Variants in MYO10 observed in about 807,000 individuals in gnomAD.
MYO10 encodes the protein myosin X, also known as unconventional myosin-X.
A neutral mutation model predicts 257.3 loss-of-function variants in MYO10; 133 were observed. That is an observed-to-expected ratio of 0.52 (90% CI 0.45 to 0.60). The LOEUF is 0.60. Among genes scored for constraint, MYO10 ranks in the 20% least tolerant of loss-of-function variants. MYO10 has a pLI of 0.00. For synonymous variants in MYO10, 1,104 were observed against 1,028.6 expected (o/e 1.07, Z -1.40); for missense variants, 2,399 against 2,635.7 (o/e 0.91, Z 1.97).
Position 16,794,756 on chromosome 5 carries a change from C to G in MYO10, c.357G>C (p.Glu119Asp). ...CGCCCAGGTGGCGCCGGCTGTACTG[C>G]TCCATGGTGGCAGGCTCGTACAGCC... ...IAGLYEPATM[E>D]QYSRRHLGEL... The change falls in exon 4 of 41, where the codon GAG (glutamate) becomes GAC (aspartate). Residue 119 changes from glutamate (E) to aspartate (D), a missense_variant. Glu to Asp is a conservative substitution (Grantham distance 45). Transcript: ENST00000513610. The G allele has an allele frequency of 1.9e-6, 3 of 1,611,854 alleles. No homozygotes were observed. Among genetic ancestry groups the G allele is most frequent in the African/African-American group, 2.7e-5 (2 of 75,008 alleles).
intron 2 of MYO10, among the ~76,000 whole-genome samples, chr5:16,855,543 T>G (rs1438007418): frequency 2.0e-5 from 3 of 152,256 alleles, no homozygotes; most frequent in Non-Finnish European, 4.4e-5. Context: ...GCTGCAAATT[T>G]TAATCTCCCT....
At chr5:16,709,434 A>G (rs570581221) in intron 21 of MYO10, among the ~76,000 whole-genome samples, 13 of 152,310 alleles carry the variant, frequency 8.5e-5, no homozygotes, top group Admixed American at 8.5e-4. Context: ...TGAGAACGCT[A>G]CAACCCTACG....
chr5:16,818,396 GTGTGTGTGTGTGTGTA>G (rs1561000824), intron 2 of MYO10, among the ~76,000 whole-genome samples: 23 of 111,910 alleles, frequency 2.1e-4, no homozygotes, highest in Non-Finnish European at 1.7e-4. Flanking sequence ...GTGTGTGTGT[GTGTGTGTGTGTGTGTA>G]TATATATATA....
At chr5:16,915,235 C>A (rs1745781992) in intron 1 of MYO10, among the ~76,000 whole-genome samples, 1 of 152,118 alleles carries the variant, frequency 6.6e-6, no homozygotes, top group Non-Finnish European at 1.5e-5. Context: ...AGAGTCCCAC[C>A]AGGGAACACA....
intron 2 of MYO10, among the ~76,000 whole-genome samples, chr5:16,854,764 G>A (rs1049919218): frequency 8.5e-5 from 13 of 152,170 alleles, no homozygotes; most frequent in African/African-American, 2.9e-4. Context: ...GGGCATGGTG[G>A]CTCACATCTG....
chr5:16,693,419 C>G (rs898691360), intron 27 of MYO10, among the ~76,000 whole-genome samples: 2 of 152,210 alleles, frequency 1.3e-5, no homozygotes, highest in Non-Finnish European at 2.9e-5. Context: ...CTCATGAACT[C>G]CAAAGGGACA....
At chr5:16,931,291 T>C (rs1237792122) in intron 1 of MYO10, among the ~76,000 whole-genome samples, 1 of 151,848 alleles carries the variant, frequency 6.6e-6, no homozygotes, top group African/African-American at 2.4e-5. Context: ...ATAATAATAA[T>C]AGTAATAATA....
chr5:16,894,189 C>G (rs1026829851), intron 1 of MYO10, among the ~76,000 whole-genome samples: 3 of 152,182 alleles, frequency 2.0e-5, no homozygotes, highest in African/African-American at 7.2e-5. Flanking sequence ...TCAGAGTTCT[C>G]CAGTTTCCAC....
chr5:16,748,336 C>T (rs1263551145), intron 19 of MYO10, among the ~76,000 whole-genome samples: 1 of 152,170 alleles, frequency 6.6e-6, no homozygotes, highest in Non-Finnish European at 1.5e-5. Context: ...CCTACACCTC[C>T]TGGGTTCAAA....
At chr5:16,800,759 C>T (rs1453303442) in intron 3 of MYO10, among the ~76,000 whole-genome samples, 3 of 152,100 alleles carry the variant, frequency 2.0e-5, no homozygotes, top group South Asian at 2.1e-4. Context: ...TGGAAGGAAG[C>T]GCCAAATCTC....
rs1433622568 is a variant in MYO10 at position 16,742,132 on chromosome 5, A to G, written c.1929+12696T>C. On this transcript the variant is annotated intron_variant, in intron 19 of 40. Coordinates refer to ENST00000513610, the MANE Select transcript of MYO10 (RefSeq NM_012334.3). The stretch of plus-strand genomic sequence containing the variant: ...AGATTCTTGATTTTAAAAGCCAATC[A>G]ATAATTTTTTTTTAAAAAAAGTCCC... 3.0e-6 allele frequency: 3 copies of G among 985,146 alleles called. No homozygotes were observed. In the African/African-American group the frequency reaches 5.3e-5, roughly 17 times the overall value. The allele number at this position is 985,146 out of a possible 1,614,324, so 61.0% of individuals were successfully genotyped here.
intron 2 of MYO10, among the ~76,000 whole-genome samples, chr5:16,842,950 G>GA (rs1318221568): frequency 2.0e-5 from 3 of 148,654 alleles, no homozygotes; most frequent in Non-Finnish European, 4.5e-5. Context: ...AAGGAACTTT[G>GA]AAATACAGGC....
chr5:16,728,199 C>T (rs1739447415), intron 19 of MYO10, among the ~76,000 whole-genome samples: 1 of 152,170 alleles, frequency 6.6e-6, no homozygotes, highest in Non-Finnish European at 1.5e-5. Flanking sequence ...CTCCAACTTC[C>T]TCTCTCTCAA....
chr5:16,759,332 C>A (rs1245229407), intron 17 of MYO10, among the ~76,000 whole-genome samples: 1 of 152,172 alleles, frequency 6.6e-6, no homozygotes, highest in African/African-American at 2.4e-5. Flanking sequence ...GACTTCTGAG[C>A]ATCTGCCTCC....
intron 2 of MYO10, among the ~76,000 whole-genome samples, chr5:16,853,781 G>C (rs147755227): frequency 6.6e-6 from 1 of 152,192 alleles, no homozygotes; most frequent in South Asian, 2.1e-4. Context: ...TGGGAGAGAA[G>C]AGCGGGTCCA....
rs576138508 is a variant in MYO10, at chr5:16,689,743, A to G, written c.3896+81T>C. On this transcript the variant is annotated intron_variant, in intron 28 of 40. Coordinates refer to ENST00000513610, the MANE Select transcript of MYO10 (RefSeq NM_012334.3). ...TAAAATTTTTCAAGGCCAGTACAGTAAACAGTGCTCTGTGTGATGCTCACA... is the reference window on the plus strand; with the variant it reads ...TAAAATTTTTCAAGGCCAGTACAGTGAACAGTGCTCTGTGTGATGCTCACA... 268 of 1,202,334 alleles carry G rather than the reference A, an allele frequency of 2.2e-4. 5 individuals are homozygous for G. The South Asian group carries it at 3.1e-3, about 14-fold the overall frequency. 74.5% of individuals were successfully genotyped at this position (1,202,334 alleles called of 1,614,324 possible).
At chr5:16,723,389 A>T (rs187369230) in intron 19 of MYO10, among the ~76,000 whole-genome samples, 93 of 152,028 alleles carry the variant, frequency 6.1e-4, no homozygotes, top group African/African-American at 2.0e-3. Context: ...CTCTGTCTCA[A>T]AAAAAAAGAA....
chr5:16,761,243 G>A (rs941472210), intron 17 of MYO10, among the ~76,000 whole-genome samples: 2 of 152,026 alleles, frequency 1.3e-5, no homozygotes, highest in African/African-American at 4.8e-5. Context: ...TGCCCACCTT[G>A]GCATCCCAAA....
At position 16,701,730 on chromosome 5, in the gene MYO10, C is replaced by T. The variant is rs1383178727; in HGVS notation, c.2665G>A (p.Glu889Lys). Residue 889 changes from glutamate to lysine, a missense_variant, in exon 25 of 41, where the codon GAG becomes AAG. Around this residue, in one of 3 missense-constraint regions of MYO10, gnomAD observed 1,820 missense variants for 1,939.4 expected, o/e 0.94. Coordinates refer to ENST00000513610, the MANE Select transcript of MYO10 (RefSeq NM_012334.3). This position sits in a 1 kb window ranked among gnomAD's most constrained non-coding sequence, Gnocchi z 8.1. Reference sequence around the variant, plus strand: ...ATTTCTTTCTCCAGACGGAGGATCTCTTCCACCTGCTTATTTTCCTTCTGT... The same window carrying T: ...ATTTCTTTCTCCAGACGGAGGATCTTTTCCACCTGCTTATTTTCCTTCTGT... The part of the protein sequence containing the change: ...EKQKENKQVE[E>K]ILRLEKEIED... 1 of 1,613,910 alleles carries T rather than the reference C, an allele frequency of 6.2e-7. No individual in the cohort carries two copies. Among genetic ancestry groups the T allele is most frequent in the East Asian group, 2.2e-5 (1 of 44,884 alleles).
Sources: allele counts gnomAD v4.1 joint callset (sites outside exome capture counted in the v4.1 genomes callset), GRCh38; gene constraint gnomAD v4.1.1; regional missense constraint gnomAD v4.1.1; non-coding constraint Gnocchi (gnomAD v3.1); transcripts MANE v1.5; gene names NCBI Gene and HGNC (gene_info 2026-07-23, HGNC 2026-07-21).